The following PRKX variants were observed in gnomAD, a reference collection of about 807,000 sequenced individuals.
PRKX encodes cAMP-dependent protein kinase catalytic subunit PRKX.
A neutral mutation model predicts 22.0 loss-of-function variants in PRKX; 12 were observed. The ratio of observed to expected loss-of-function variants is 0.54; its 90% CI spans 0.35 to 0.88. The LOEUF (loss-of-function observed/expected upper bound fraction) is 0.88, where lower values mean the gene tolerates loss of function less well. Ranked by LOEUF, PRKX falls within the 40% of genes least tolerant of loss-of-function variation. The probability of loss-of-function intolerance (pLI) is 0.01; values close to 1 mark genes in which losing one functional copy is unlikely to be tolerated. For synonymous variants in PRKX, 134 were observed against 137.7 expected (o/e 0.97, Z 0.19); for missense variants, 217 against 308.0 (o/e 0.70, Z 2.21).
At chrX:3,655,737 T>A in intron 2 of PRKX, among the ~76,000 whole-genome samples, 1 of 112,457 alleles carries the variant, frequency 8.9e-6, no homozygotes, top group East Asian at 2.8e-4. Context: ...GTATTAAATA[T>A]GGATATAGAT....
chrX:3,709,024 G>A (rs182610221), intron 1 of PRKX, among the ~76,000 whole-genome samples: 1 of 107,366 alleles, frequency 9.3e-6, no homozygotes, highest in Admixed American at 1.0e-4. Context: ...AACTAATAAA[G>A]CCTGAACAAG....
At chrX:3,630,956 G>A (rs1381813505) in intron 4 of PRKX, among the ~76,000 whole-genome samples, 3 of 112,051 alleles carry the variant, frequency 2.7e-5, no homozygotes, top group Admixed American at 9.5e-5. Flanking sequence ...GTACTTCTGA[G>A]ATTTTCTCAT....
chrX:3,707,914 G>A (rs1014551644), intron 1 of PRKX, among the ~76,000 whole-genome samples: 3 of 111,819 alleles, frequency 2.7e-5, no homozygotes, highest in Non-Finnish European at 5.6e-5. Flanking sequence ...TAATTGCTAT[G>A]TCAACACTGC....
In PRKX at chrX:3,607,030, G is replaced by C. The variant is rs756163276; in HGVS notation, c.*1939C>G. 8.9e-6 allele frequency: 1 copy of C among 112,183 alleles called. No homozygotes were observed. Among genetic ancestry groups the C allele is most frequent in the Non-Finnish European group, 1.9e-5 (1 of 53,322 alleles). The allele number at this position is 112,183 out of a possible 1,213,427, so 9.2% of individuals were successfully genotyped here. A position where few individuals can be genotyped will look rare whatever the true frequency, so the allele number is the denominator to read the frequency against. The stretch of plus-strand genomic sequence containing the variant: ...CTGATGCTAATTCTCATCTGAGTAT[G>C]AAATCCTGGATAATAAAACAGACAA... On this transcript the variant is annotated 3_prime_UTR_variant, in exon 9 of 9. Transcript: ENST00000262848.
intron 7 of PRKX, among the ~76,000 whole-genome samples, chrX:3,614,877 C>A (rs1234695589): frequency 9.1e-6 from 1 of 110,244 alleles, no homozygotes; most frequent in Non-Finnish European, 1.9e-5. Context: ...ATAACATGTA[C>A]CCCCATAAAT....
chrX:3,679,673 T>A (rs1354469365), intron 1 of PRKX, among the ~76,000 whole-genome samples: 2 of 112,149 alleles, frequency 1.8e-5, no homozygotes, highest in Admixed American at 1.9e-4. Context: ...GAGGGTGTTG[T>A]ATAATTAAAA....
chrX:3,627,435 A>C (rs1926684611), intron 4 of PRKX, among the ~76,000 whole-genome samples: 2 of 108,003 alleles, frequency 1.9e-5, no homozygotes, highest in South Asian at 8.1e-4. Flanking sequence ...AAAAATAAGA[A>C]ATGCTGGTGA....
At chrX:3,631,478 T>C (rs1276153032) in intron 4 of PRKX, among the ~76,000 whole-genome samples, 1 of 94,292 alleles carries the variant, frequency 1.1e-5, no homozygotes, top group African/African-American at 4.0e-5. Context: ...AGGCAGGGAG[T>C]ATCCTCCCCT....
chrX:3,612,789 A>T (rs1304824370), intron 7 of PRKX, among the ~76,000 whole-genome samples: 1 of 109,941 alleles, frequency 9.1e-6, no homozygotes, highest in African/African-American at 3.3e-5. Context: ...CCTGTCTCAA[A>T]ATATATATAT....
intron 4 of PRKX, among the ~76,000 whole-genome samples, chrX:3,635,918 T>C (rs1175574646): frequency 8.9e-6 from 1 of 111,796 alleles, no homozygotes; most frequent in Non-Finnish European, 1.9e-5. Flanking sequence ...TTAAACTCTC[T>C]GGGAGAATAA....
intron 2 of PRKX, among the ~76,000 whole-genome samples, chrX:3,658,276 C>T (rs978447759): frequency 6.3e-5 from 7 of 111,189 alleles, no homozygotes; most frequent in Non-Finnish European, 1.3e-4. Flanking sequence ...CAGGCATGAG[C>T]CACCGTGCCC....
At chrX:3,664,914 C>T (rs1010577573) in intron 2 of PRKX, among the ~76,000 whole-genome samples, 4 of 112,285 alleles carry the variant, frequency 3.6e-5, no homozygotes, top group African/African-American at 1.3e-4. Context: ...CTCACCATAA[C>T]ATGATACATC....
chrX:3,693,892 A>G (rs1180745028), intron 1 of PRKX, among the ~76,000 whole-genome samples: 7 of 95,926 alleles, frequency 7.3e-5, no homozygotes, highest in African/African-American at 2.7e-4. Context: ...GTGAGCCGAG[A>G]TTGCGCCACT....
At chrX:3,710,628 C>T (rs1476297604) in intron 1 of PRKX, among the ~76,000 whole-genome samples, 1 of 111,874 alleles carries the variant, frequency 8.9e-6, no homozygotes. Context: ...CCTGCCTCGG[C>T]CTCCCAAAGT....
rs979219031 is a variant in PRKX, at chrX:3,607,170, T to C, written c.*1799A>G. 1.8e-5 allele frequency: 2 copies of C among 112,307 alleles called. No individual in the cohort carries two copies. Among genetic ancestry groups the C allele is most frequent in the African/African-American group, 6.5e-5 (2 of 30,907 alleles). 9.3% of individuals were successfully genotyped at this position (112,307 alleles called of 1,213,427 possible). A position where few individuals can be genotyped will look rare whatever the true frequency, so the allele number is the denominator to read the frequency against. ...AGTAGAATGTTCAATATTATTACTA[T>C]GATTTATTTTTATAGTCAGCAAACA... On this transcript the variant is annotated 3_prime_UTR_variant, in exon 9 of 9. Coordinates refer to ENST00000262848, the MANE Select transcript of PRKX (RefSeq NM_005044.5).
At chrX:3,659,173 C>T (rs1228899639) in intron 2 of PRKX, among the ~76,000 whole-genome samples, 15 of 109,071 alleles carry the variant, frequency 1.4e-4, no homozygotes, top group African/African-American at 4.7e-4. Context: ...ATCATTTGAG[C>T]CCAGGAATTG....
chrX:3,671,610 C>G (rs1431584003), intron 2 of PRKX, among the ~76,000 whole-genome samples: 1 of 111,766 alleles, frequency 8.9e-6, no homozygotes, highest in Non-Finnish European at 1.9e-5. Context: ...AGCCGGTGAG[C>G]TGTACGGGCA....
At chrX:3,632,072 G>A (rs1320130672) in intron 4 of PRKX, among the ~76,000 whole-genome samples, 1 of 112,101 alleles carries the variant, frequency 8.9e-6, no homozygotes, top group Non-Finnish European at 1.9e-5. Context: ...TGACAGAGAA[G>A]TGGGGGTGGG....
intron 2 of PRKX, among the ~76,000 whole-genome samples, chrX:3,663,037 A>G (rs1266718650): frequency 9.5e-6 from 1 of 105,094 alleles, no homozygotes; most frequent in Admixed American, 1.0e-4. Context: ...ATGGGGTCTC[A>G]CTAAGATGCC....
Sources: allele counts gnomAD v4.1 joint callset (sites outside exome capture counted in the v4.1 genomes callset), GRCh38; gene constraint gnomAD v4.1.1; transcripts MANE v1.5; gene names NCBI Gene and HGNC (gene_info 2026-07-23, HGNC 2026-07-21).